CTIF: variants seen among roughly 807,000 people sequenced by gnomAD.
CTIF encodes the protein CBP80/20-dependent translation initiation factor.
CTIF carries 21 observed loss-of-function variants against 66.0 expected under a neutral mutation model. The ratio of observed to expected loss-of-function variants is 0.32; its 90% CI spans 0.23 to 0.46. CTIF has a LOEUF of 0.46. CTIF is among the 20% of genes least tolerant of loss of function. The pLI is 1.00. For synonymous variants in CTIF, 345 were observed against 326.4 expected (o/e 1.06, Z -0.62); for missense variants, 739 against 812.7 (o/e 0.91, Z 1.10).
intron 7 of CTIF, among the ~76,000 whole-genome samples, chr18:48,723,214 C>A (rs1431134185): frequency 6.6e-6 from 1 of 152,140 alleles, no homozygotes; most frequent in Non-Finnish European, 1.5e-5. Context: ...CCTACATACT[C>A]CCCCTGTTAA....
chr18:48,647,369 C>T (rs926764302), intron 3 of CTIF, among the ~76,000 whole-genome samples: 4 of 152,096 alleles, frequency 2.6e-5, no homozygotes, highest in African/African-American at 4.8e-5. Flanking sequence ...TTCTGTGTCT[C>T]CACTGTATCA....
chr18:48,651,516 G>A (rs918763081), intron 3 of CTIF, among the ~76,000 whole-genome samples: 4 of 152,214 alleles, frequency 2.6e-5, no homozygotes, highest in Admixed American at 1.3e-4. Flanking sequence ...CAATAATAAC[G>A]GGAGACTTTA....
At chr18:48,605,566 A>G (rs1314278151) in intron 1 of CTIF, among the ~76,000 whole-genome samples, 1 of 152,222 alleles carries the variant, frequency 6.6e-6, no homozygotes, top group East Asian at 1.9e-4. Flanking sequence ...AGTGGGTGAA[A>G]TTAACCACAG....
intron 2 of CTIF, among the ~76,000 whole-genome samples, chr18:48,626,645 G>GT (rs59275308): frequency 0.057 from 6,967 of 122,642 alleles, 200 homozygotes; most frequent in South Asian, 0.087. Context: ...GCACCTGGCC[G>GT]TTTTTTTTTT....
chr18:48,797,364 T>G (rs1312736859), intron 9 of CTIF, among the ~76,000 whole-genome samples: 1 of 152,114 alleles, frequency 6.6e-6, no homozygotes, highest in Non-Finnish European at 1.5e-5. Context: ...GTGCCTGTAA[T>G]GCCAGCTCCT....
intron 2 of CTIF, among the ~76,000 whole-genome samples, chr18:48,633,907 A>G (rs1427892839): frequency 6.6e-6 from 1 of 152,192 alleles, no homozygotes; most frequent in African/African-American, 2.4e-5. Context: ...AACACCTTAC[A>G]TAACTATAGA....
chr18:48,582,408 A>T (rs2089678804), intron 1 of CTIF, among the ~76,000 whole-genome samples: 1 of 152,110 alleles, frequency 6.6e-6, no homozygotes, highest in Non-Finnish European at 1.5e-5. Context: ...TTCTGGGGAT[A>T]AAGGAGGTGC....
chr18:48,667,558 A>T (rs1391725935), intron 5 of CTIF, among the ~76,000 whole-genome samples: 3 of 152,224 alleles, frequency 2.0e-5, no homozygotes, highest in African/African-American at 7.2e-5. Flanking sequence ...CAAGCTTGCC[A>T]AAGTGTCTCA....
chr18:48,684,732 C>T (rs538451401), intron 6 of CTIF, among the ~76,000 whole-genome samples: 1 of 152,308 alleles, frequency 6.6e-6, no homozygotes, highest in Admixed American at 6.5e-5. Flanking sequence ...CACCCAGATT[C>T]CCCAAGTGTT....
chr18:48,824,400 G>C lies in CTIF; in HGVS notation c.1527+7024G>C, dbSNP rs142855031. On this transcript the variant is annotated intron_variant, in intron 10 of 11. Coordinates refer to ENST00000256413, the MANE Select transcript of CTIF (RefSeq NM_014772.3). Reference sequence around the variant, plus strand: ...AGGGTTGTCATCTCCCCATCAGCTGGTATCTCTGAGCCAACATGCCAGGCT... The same window carrying C: ...AGGGTTGTCATCTCCCCATCAGCTGCTATCTCTGAGCCAACATGCCAGGCT... Among the ~76,000 whole-genome samples the C allele has an allele frequency of 3.1e-3, 476 of 152,136 alleles. 2 individuals are homozygous for C. The highest frequency in any genetic ancestry group is 4.0e-3 in the Non-Finnish European group (272 of 68,004).
chr18:48,659,879 G>A (rs1483318847), intron 3 of CTIF, among the ~76,000 whole-genome samples: 1 of 152,212 alleles, frequency 6.6e-6, no homozygotes, highest in African/African-American at 2.4e-5. Flanking sequence ...CAGGGATATC[G>A]CTGGGTTTCT....
intron 7 of CTIF, among the ~76,000 whole-genome samples, chr18:48,749,551 A>G (rs1260025548): frequency 1.3e-5 from 2 of 152,194 alleles, no homozygotes; most frequent in Non-Finnish European, 2.9e-5. Context: ...CTCCCTCTGC[A>G]TAGCTGGAGG....
intron 1 of CTIF, among the ~76,000 whole-genome samples, chr18:48,613,610 C>T (rs772703393): frequency 6.6e-6 from 1 of 152,204 alleles, no homozygotes; most frequent in African/African-American, 2.4e-5. Flanking sequence ...GTGACAAGCA[C>T]GGACTGTGAT....
rs553509353 is a variant in CTIF, at chr18:48,586,897, GCTTCTTCCCTGT to G, written c.-28-32638_-28-32627del. The stretch of plus-strand genomic sequence containing the variant: ...TGTCTTTGGGAACATTAGAAAAACT[GCTTCTTCCCTGT>G]CTCATACAGCACCATCCTAAGTTTA... On this transcript the variant is annotated intron_variant, in intron 1 of 11. Transcript: ENST00000256413. 4.0e-3 allele frequency among the ~76,000 whole-genome samples: 607 copies of G among 152,094 alleles called. 3 individuals are homozygous for G. The highest frequency in any genetic ancestry group is 0.014 in the African/African-American group (583 of 41,468).
At chr18:48,818,084 A>G (rs972154275) in intron 10 of CTIF, among the ~76,000 whole-genome samples, 1 of 152,272 alleles carries the variant, frequency 6.6e-6, no homozygotes, top group Non-Finnish European at 1.5e-5. Flanking sequence ...GAAAGAAACA[A>G]GAATGACCAA....
chr18:48,832,772 C>T (rs998366776), intron 10 of CTIF, among the ~76,000 whole-genome samples: 6 of 152,166 alleles, frequency 3.9e-5, no homozygotes, highest in African/African-American at 7.2e-5. Context: ...ACTTAGGAAA[C>T]GCAAACACAC....
chr18:48,620,178 G>A (rs1035687219), intron 2 of CTIF, among the ~76,000 whole-genome samples: 2 of 152,218 alleles, frequency 1.3e-5, no homozygotes, highest in African/African-American at 4.8e-5. Context: ...GTTGTTGGTA[G>A]CCAAAGGAAT....
chr18:48,555,264 T>A (rs2145571885), intron 1 of CTIF, among the ~76,000 whole-genome samples: 1 of 152,348 alleles, frequency 6.6e-6, no homozygotes, highest in African/African-American at 2.4e-5. Context: ...GATATGGGGA[T>A]TCCCATTCCT....
At chr18:48,630,525 C>T (rs1291260777) in intron 2 of CTIF, among the ~76,000 whole-genome samples, 2 of 152,126 alleles carry the variant, frequency 1.3e-5, no homozygotes, top group Non-Finnish European at 2.9e-5. Context: ...ATTGATGAGT[C>T]TCTCCCTCAA....
Sources: allele counts gnomAD v4.1 joint callset (sites outside exome capture counted in the v4.1 genomes callset), GRCh38; gene constraint gnomAD v4.1.1; transcripts MANE v1.5; gene names NCBI Gene and HGNC (gene_info 2026-07-23, HGNC 2026-07-21).